DTX2: variants seen among roughly 807,000 people sequenced by gnomAD.
The protein encoded by DTX2 is probable E3 ubiquitin-protein ligase DTX2.
Under a neutral mutation model 55.3 loss-of-function variants are expected in DTX2, and 29 were observed. The observed-to-expected ratio is 0.52, with a 90% CI of 0.39 to 0.71. The LOEUF is 0.71. DTX2 is among the 30% of genes least tolerant of loss of function. The pLI, the probability that DTX2 is intolerant of heterozygous loss-of-function variation, is 0.00. For synonymous variants in DTX2, 276 were observed against 340.4 expected (o/e 0.81, Z 2.08); for missense variants, 537 against 822.5 (o/e 0.65, Z 4.25).
chr7:76,482,635 G>T lies in DTX2; in HGVS notation c.396G>T (p.Leu132=). ...TAYEASVCDY[L]EQQVARGNQL... ...ATGAAGCCAGCGTCTGTGACTATCT[G>T]GAGCAGCAGGTGGCCAGGGGCAACC... is the stretch of plus-strand genomic sequence containing the variant. The change falls in exon 4 of 11, where the codon CTG becomes CTT. Residue 132 remains leucine, a synonymous_variant. Transcript: ENST00000430490. 6.2e-7 allele frequency: 1 copy of T among 1,613,848 alleles called. No individual in the cohort carries two copies. The highest frequency in any genetic ancestry group is 8.5e-7 in the Non-Finnish European group (1 of 1,179,816).
At chr7:76,499,923 C>T (rs1489140026) in intron 6 of DTX2, 5 of 343,430 alleles carry the variant, frequency 1.5e-5, no homozygotes, top group East Asian at 7.7e-5. Flanking sequence ...CAGTGGCAGG[C>T]GTTTCCCGGG....
intron 7 of DTX2, 190 bp from the exon 8 acceptor site, chr7:76,502,108 A>G (rs1478126967): frequency 7.1e-6 from 4 of 560,992 alleles, no homozygotes; most frequent in Non-Finnish European, 9.4e-6. Context: ...GCTGGCCTCA[A>G]ATTCCTGACC....
At chr7:76,489,887 T>TAA (rs1180885938) in intron 4 of DTX2, among the ~76,000 whole-genome samples, 1 of 130,710 alleles carries the variant, frequency 7.7e-6, no homozygotes, top group Non-Finnish European at 1.7e-5. Flanking sequence ...ACCCTCATAT[T>TAA]AAAAAAAAAA....
chr7:76,482,891 A>G lies in DTX2; in HGVS notation c.652A>G (p.Met218Val), dbSNP rs757338585. 8 of 1,613,788 alleles carry G rather than the reference A, an allele frequency of 5.0e-6. No individual in the cohort carries two copies. The highest frequency in any genetic ancestry group is 5.9e-6 in the Non-Finnish European group (7 of 1,179,764). The change falls in exon 4 of 11, where the codon ATG becomes GTG. Residue 218 changes from methionine to valine, a missense_variant. Physicochemically the swap from Met to Val is conservative, Grantham distance 21. Coordinates refer to ENST00000430490, the MANE Select transcript of DTX2 (RefSeq NM_001102594.3). ...GPVSGRYRHS[M>V]TNLPAYPVPQ... ...CGTGTCAGGCCGCTACCGCCACTCC[A>G]TGACCAACCTCCCTGCATACCCCGT...
At chr7:76,503,662 C>T (rs1811995433) in intron 9 of DTX2, 75 bp downstream of exon 9, 3 of 1,347,282 alleles carry the variant, frequency 2.2e-6, no homozygotes, top group Non-Finnish European at 3.1e-6. Context: ...CAGTCTGCCC[C>T]TGGATCAAGG....
In DTX2 at chr7:76,505,372, A is replaced by C. The variant is rs748045937; in HGVS notation, c.1642-2A>C. 6.4e-7 allele frequency: 1 copy of C among 1,570,300 alleles called. No homozygotes were observed. Among genetic ancestry groups the C allele is most frequent in the Non-Finnish European group, 8.6e-7 (1 of 1,158,058 alleles). Reference sequence around the variant, plus strand: ...CTCTTCCCCCTCCTCCTCCCCGGGCAGGTCCTAGAGCTCCTGAAGGTGGCC... The same window carrying C: ...CTCTTCCCCCTCCTCCTCCCCGGGCCGGTCCTAGAGCTCCTGAAGGTGGCC... On this transcript the variant is annotated splice_acceptor_variant, in intron 10 of 10. Coordinates refer to ENST00000430490, the MANE Select transcript of DTX2 (RefSeq NM_001102594.3). LOFTEE classifies it high-confidence loss of function. The surrounding 1 kb of genome is among the most constrained non-coding windows in gnomAD (Gnocchi z 4.4).
intron 2 of DTX2, among the ~76,000 whole-genome samples, chr7:76,475,702 A>G (rs1450592390): frequency 7.9e-5 from 3 of 37,758 alleles, no homozygotes; most frequent in Non-Finnish European, 1.2e-4. Flanking sequence ...AAAAAAAAAG[A>G]AAAAAAATCC....
At chr7:76,475,236 G>A (rs1228598650) in intron 2 of DTX2, among the ~76,000 whole-genome samples, 4 of 151,858 alleles carry the variant, frequency 2.6e-5, no homozygotes, top group South Asian at 2.1e-4. Context: ...ACTTGAACCC[G>A]GGAGGCGGAG....
At chr7:76,478,147 C>G (rs944514275) in intron 2 of DTX2, 2 of 145,868 alleles carry the variant, frequency 1.4e-5, no homozygotes. Context: ...TGGTGATTCC[C>G]GAGCATACAC....
Position 76,504,912 on chromosome 7 carries a change from C to T in DTX2, c.1642-462C>T, listed in dbSNP as rs536796170. ...CACCAGGGGTAGAGCTGGTTCTGAG[C>T]GCCCAGCGAAGCCACGGAGGTGGAG... On this transcript the variant is annotated intron_variant, in intron 10 of 10. Transcript: ENST00000430490. Among the ~76,000 whole-genome samples the T allele has an allele frequency of 3.3e-5, 5 of 152,114 alleles. No homozygotes were observed. The South Asian group carries it at 8.3e-4, about 25-fold the overall frequency.
At chr7:76,471,311 G>A (rs1224763888) in intron 2 of DTX2, among the ~76,000 whole-genome samples, 18 of 147,450 alleles carry the variant, frequency 1.2e-4, no homozygotes, top group Admixed American at 7.0e-5. Flanking sequence ...ACAGGCACCC[G>A]CCACCGCGCC....
chr7:76,502,572 T>C, intron 8 of DTX2, 116 bp downstream of exon 8: 5 of 1,222,606 alleles, frequency 4.1e-6, no homozygotes, highest in Non-Finnish European at 5.6e-6. Flanking sequence ...CTGCAAAAGA[T>C]GGTGCTGGGC....
rs1312743734 is a variant in DTX2 at position 76,505,497 on chromosome 7, C to T, written c.1765C>T (p.Arg589Cys). ...GATCCACCACAAGACAGAGATGGACCGCAACATTACGGGCCACGGCTATCC... is the reference window on the plus strand; with the variant it reads ...GATCCACCACAAGACAGAGATGGACTGCAACATTACGGGCCACGGCTATCC... ...NEIHHKTEMD[R>C]NITGHGYPDP... The change falls in exon 11 of 11, where the codon CGC becomes TGC. Residue 589 changes from arginine to cysteine, a missense_variant. Arg to Cys is a radical substitution (Grantham distance 180). Transcript: ENST00000430490. The surrounding 1 kb of genome is among the most constrained non-coding windows in gnomAD (Gnocchi z 4.4). 21 of 1,609,304 alleles carry T rather than the reference C, an allele frequency of 1.3e-5. No homozygotes were observed. Among genetic ancestry groups the T allele is most frequent in the South Asian group, 4.4e-5 (4 of 90,058 alleles).
At chr7:76,482,477 A>C (rs751941616) in intron 3 of DTX2, 31 bp from the exon 4 acceptor site, 162 of 1,544,644 alleles carry the variant, frequency 1.0e-4, no homozygotes, top group Non-Finnish European at 1.4e-4. Context: ...GGATGCTAGC[A>C]GACTAACCTT....
At chr7:76,500,043 C>T in intron 6 of DTX2, 3 of 379,590 alleles carry the variant, frequency 7.9e-6, no homozygotes, top group South Asian at 5.9e-5. Flanking sequence ...TGAATCAAAT[C>T]GTGGTGCCAC....
chr7:76,482,312 A>G (rs1809318952), intron 3 of DTX2, among the ~76,000 whole-genome samples, 196 bp from the exon 4 acceptor site: 1 of 151,756 alleles, frequency 6.6e-6, no homozygotes, highest in South Asian at 2.1e-4. Context: ...GTGAACTATG[A>G]TCACATCACT....
chr7:76,464,598 C>T (rs1277576647), intron 2 of DTX2, among the ~76,000 whole-genome samples: 2 of 151,940 alleles, frequency 1.3e-5, no homozygotes, highest in African/African-American at 2.4e-5. Context: ...TGCCGCTCTA[C>T]GTTGTCCAGG....
chr7:76,475,547 C>T (rs1221668060), intron 2 of DTX2, among the ~76,000 whole-genome samples: 1 of 143,900 alleles, frequency 6.9e-6, no homozygotes, highest in Non-Finnish European at 1.5e-5. Flanking sequence ...ATTAGCCAGG[C>T]GTAGTGGTGC....
intron 10 of DTX2, among the ~76,000 whole-genome samples, chr7:76,504,870 G>C (rs1404620052): frequency 6.6e-6 from 1 of 152,066 alleles, no homozygotes; most frequent in East Asian, 1.9e-4. Context: ...GTGAAGACAG[G>C]GTGCCCCCCA....
Sources: gnomAD v4.1 joint callset for allele counts (sites outside exome capture counted in the v4.1 genomes callset) on GRCh38, gnomAD v4.1.1 for gene constraint, Gnocchi (gnomAD v3.1) non-coding constraint, MANE v1.5 for transcripts, NCBI Gene and HGNC (gene_info 2026-07-23, HGNC 2026-07-21) for gene names.